BCAS3: variants seen among roughly 807,000 people sequenced by gnomAD.
BCAS3 encodes BCAS4/BCAS3 fusion.
BCAS3 carries 53 observed loss-of-function variants against 116.1 expected under a neutral mutation model. The ratio of observed to expected loss-of-function variants is 0.46; its 90% confidence interval spans 0.37 to 0.57. The LOEUF is 0.57. Among genes scored for constraint, BCAS3 ranks in the 20% least tolerant of loss-of-function variants. BCAS3 has a pLI of 0.00. For missense variants in BCAS3, 917 were observed against 1,165.4 expected, an observed-to-expected ratio of 0.79 and a Z score of 3.10; for synonymous variants, 391 against 408.2, an observed-to-expected ratio of 0.96 and a Z score of 0.51.
Position 61,205,667 on chromosome 17 carries a change from G to C in BCAS3, c.2425+121103G>C, listed in dbSNP as rs553836821. On this transcript the variant is annotated intron_variant, in intron 22 of 23. Transcript: ENST00000407086. The surrounding 1 kb of genome is among the most constrained non-coding windows in gnomAD (Gnocchi z 5.2). Reference sequence around the variant, plus strand: ...CTGGAGTGAAGCAGAGCAGGAGAAAGGGCTCCTCATCAGAGGATATGCTTC... The same window carrying C: ...CTGGAGTGAAGCAGAGCAGGAGAAACGGCTCCTCATCAGAGGATATGCTTC... Among the ~76,000 whole-genome samples, 5 of 152,286 alleles carry C rather than the reference G, an allele frequency of 3.3e-5. No individual in the cohort carries two copies. The highest frequency in any genetic ancestry group is 7.4e-5 in the Non-Finnish European group (5 of 68,016).
chr17:61,160,039 A>C (rs2144053559), intron 22 of BCAS3, among the ~76,000 whole-genome samples: 1 of 149,122 alleles, frequency 6.7e-6, no homozygotes, highest in Admixed American at 6.7e-5. Flanking sequence ...TCTTTGATTT[A>C]AATAAAAATA....
chr17:61,091,980 A>C (rs2073611939), intron 22 of BCAS3, among the ~76,000 whole-genome samples: 1 of 152,216 alleles, frequency 6.6e-6, no homozygotes, highest in Admixed American at 6.5e-5. Context: ...AAAAACATAG[A>C]ATATTTCCGT....
chr17:60,825,479 A>G (rs2050303623), intron 7 of BCAS3, among the ~76,000 whole-genome samples: 1 of 148,756 alleles, frequency 6.7e-6, no homozygotes, highest in Non-Finnish European at 1.5e-5. Context: ...AAATACCACA[A>G]ACTTGGTAAT....
chr17:61,080,868 T>C (rs2072535273), intron 21 of BCAS3, among the ~76,000 whole-genome samples: 1 of 152,174 alleles, frequency 6.6e-6, no homozygotes, highest in Admixed American at 6.5e-5. Context: ...TTGTATTTTG[T>C]TTTTTTCTTC....
At chr17:61,054,755 A>C (rs1403189222) in intron 19 of BCAS3, among the ~76,000 whole-genome samples, 1 of 152,152 alleles carries the variant, frequency 6.6e-6, no homozygotes, top group African/African-American at 2.4e-5. Flanking sequence ...TAATGTCTTT[A>C]TTTTACAGAA....
chr17:60,927,433 T>C (rs2145170432), intron 13 of BCAS3, among the ~76,000 whole-genome samples: 1 of 152,292 alleles, frequency 6.6e-6, no homozygotes, highest in Admixed American at 6.5e-5. Context: ...TTTTTTGTAT[T>C]TTTAGTAGAG....
intron 14 of BCAS3, among the ~76,000 whole-genome samples, chr17:60,980,283 A>T (rs1331159798): frequency 6.6e-6 from 1 of 152,170 alleles, no homozygotes; most frequent in Non-Finnish European, 1.5e-5. Flanking sequence ...GTTTCTACAC[A>T]TCCTCACCAA....
chr17:61,314,121 G>A (rs576464962), intron 22 of BCAS3, among the ~76,000 whole-genome samples: 24 of 152,236 alleles, frequency 1.6e-4, no homozygotes, highest in Non-Finnish European at 2.8e-4. Flanking sequence ...TTTAGAAACC[G>A]AGGCACACAC....
chr17:61,016,503 G>A (rs939209946), intron 16 of BCAS3, among the ~76,000 whole-genome samples: 1 of 152,054 alleles, frequency 6.6e-6, no homozygotes, highest in Non-Finnish European at 1.5e-5. Context: ...TTAGCAATTT[G>A]CTACCCCTTA....
chr17:61,287,958 G>A (rs572436039), intron 22 of BCAS3, among the ~76,000 whole-genome samples: 2 of 152,266 alleles, frequency 1.3e-5, no homozygotes, highest in African/African-American at 4.8e-5. Flanking sequence ...AAGGTTGCAG[G>A]GATTAAGTAA....
chr17:60,912,347 A>G (rs924746139), intron 12 of BCAS3, among the ~76,000 whole-genome samples: 4 of 152,160 alleles, frequency 2.6e-5, no homozygotes, highest in African/African-American at 4.8e-5. Flanking sequence ...TAAATATTGC[A>G]TATGTTTTGA....
chr17:61,141,929 A>G lies in BCAS3; in HGVS notation c.2425+57365A>G, dbSNP rs1273412447. On this transcript the variant is annotated intron_variant, in intron 22 of 23. Transcript: ENST00000407086. The surrounding 1 kb of genome is among the most constrained non-coding windows in gnomAD (Gnocchi z 4.3). ...AAAAAAAAAAAAAAAAAGTTAGACA[A>G]TTATACAGAGATACTCAAGTTCTTG... Among the ~76,000 whole-genome samples, 2 of 146,814 alleles carry G rather than the reference A, an allele frequency of 1.4e-5. No homozygotes were observed. Among genetic ancestry groups the G allele is most frequent in the East Asian group, 2.0e-4 (1 of 4,984 alleles).
At chr17:60,989,403 T>C (rs902832599) in intron 14 of BCAS3, among the ~76,000 whole-genome samples, 1 of 152,188 alleles carries the variant, frequency 6.6e-6, no homozygotes, top group African/African-American at 2.4e-5. Flanking sequence ...TTATTCACTG[T>C]ATGATAAGTG....
At chr17:61,350,466 A>T (rs942436295) in intron 22 of BCAS3, among the ~76,000 whole-genome samples, 1 of 142,694 alleles carries the variant, frequency 7.0e-6, no homozygotes, top group African/African-American at 2.5e-5. Context: ...ATTTTATTGT[A>T]TGTATTTAAG....
chr17:60,723,370 A>G (rs904664156), intron 5 of BCAS3, among the ~76,000 whole-genome samples: 2 of 152,014 alleles, frequency 1.3e-5, no homozygotes, highest in Non-Finnish European at 2.9e-5. Flanking sequence ...GACTACAGGC[A>G]TGCACCACCA....
At position 61,084,452 on chromosome 17, in the gene BCAS3, TA is replaced by T; in HGVS notation, c.2328-12del. ...TGCCAGTAACATATGTGAATTAAAT[TA>T]AATTGCATTGCAGGATCCAGCCAGT... On this transcript the variant is annotated splice_polypyrimidine_tract_variant and intron_variant, in intron 21 of 23. Coordinates refer to ENST00000407086, the MANE Select transcript of BCAS3 (RefSeq NM_017679.5). The surrounding 1 kb of genome is among the most constrained non-coding windows in gnomAD (Gnocchi z 5.5). 1 of 1,592,174 alleles carries T rather than the reference TA, an allele frequency of 6.3e-7. No individual in the cohort carries two copies. Among genetic ancestry groups the T allele is most frequent in the Non-Finnish European group, 8.5e-7 (1 of 1,171,176 alleles).
At position 60,808,728 on chromosome 17, in the gene BCAS3, C is replaced by A. The variant is rs377242634; in HGVS notation, c.476+652C>A. Among the ~76,000 whole-genome samples the A allele has an allele frequency of 3.3e-5, 5 of 152,160 alleles. No individual in the cohort carries two copies. In the East Asian group the frequency reaches 9.6e-4, roughly 29 times the overall value. ...ATACAAAATCATGAAAGCCTAATTTCTTTCCCCAGAGACTTATGAATGTGG... is the reference window on the plus strand; with the variant it reads ...ATACAAAATCATGAAAGCCTAATTTATTTCCCCAGAGACTTATGAATGTGG... On this transcript the variant is annotated intron_variant, in intron 7 of 23. Coordinates refer to ENST00000407086, the MANE Select transcript of BCAS3 (RefSeq NM_017679.5).
At chr17:60,712,106 A>C (rs1197127395) in intron 5 of BCAS3, among the ~76,000 whole-genome samples, 1 of 152,216 alleles carries the variant, frequency 6.6e-6, no homozygotes, top group Non-Finnish European at 1.5e-5. Flanking sequence ...CGGTGGTTAC[A>C]GTGAGCCAAG....
At chr17:61,318,299 AAATT>A (rs1316700687) in intron 22 of BCAS3, among the ~76,000 whole-genome samples, 1 of 152,228 alleles carries the variant, frequency 6.6e-6, no homozygotes, top group East Asian at 1.9e-4. Flanking sequence ...AGAAGTTCCA[AAATT>A]AACTGACTTT....
Sources: allele counts gnomAD v4.1 joint callset (sites outside exome capture counted in the v4.1 genomes callset), GRCh38; gene constraint gnomAD v4.1.1; non-coding constraint Gnocchi (gnomAD v3.1); transcripts MANE v1.5; gene names NCBI Gene and HGNC (gene_info 2026-07-23, HGNC 2026-07-21).